Variants in HYDIN observed in about 807,000 individuals in gnomAD.
HYDIN encodes HYDIN axonemal central pair apparatus protein, also known as axonemal central pair apparatus protein HYDIN.
A neutral mutation model predicts 403.9 loss-of-function variants in HYDIN; 132 were observed. The observed-to-expected ratio is 0.33, with a 90% confidence interval of 0.28 to 0.38. The LOEUF (loss-of-function observed/expected upper bound fraction) is 0.38, where lower values mean the gene tolerates loss of function less well. Among genes scored for constraint, HYDIN ranks in the 10% least tolerant of loss-of-function variants. The probability of loss-of-function intolerance (pLI) is 1.00; values close to 1 mark genes in which losing one functional copy is unlikely to be tolerated. For missense variants in HYDIN, 2,827 were observed against 5,009.5 expected (o/e 0.56, Z 13.15); for synonymous variants, 1,202 against 1,891.7 (o/e 0.64, Z 9.46).
chr16:70,855,667 G>C (rs2038976155), intron 72 of HYDIN, among the ~76,000 whole-genome samples: 1 of 152,254 alleles, frequency 6.6e-6, no homozygotes, highest in Admixed American at 6.5e-5. Context: ...CGAATTCTTT[G>C]AAAATAGACC....
At chr16:70,985,101 C>T (rs2079149980) in intron 28 of HYDIN, 84 bp downstream of exon 28, 8 of 1,122,502 alleles carry the variant, frequency 7.1e-6, no homozygotes, top group African/African-American at 1.6e-5. Context: ...AAAAATCACA[C>T]TTGTAATCCT....
chr16:71,043,948 G>A (rs550176334), intron 18 of HYDIN, among the ~76,000 whole-genome samples: 6 of 152,004 alleles, frequency 3.9e-5, no homozygotes, highest in South Asian at 4.2e-4. Context: ...AAGAAAGAGA[G>A]AGAGAGAGAG....
Position 71,230,719 on chromosome 16 carries a change from C to T in HYDIN, c.-181G>A, listed in dbSNP as rs2041250716. ...CCCGAGCTGTTGCCGTCCGTTGCCA[C>T]GGTAACCACGGAGCCGCACAGCCTA... is the stretch of plus-strand genomic sequence containing the variant. On this transcript the variant is annotated 5_prime_UTR_variant, in exon 1 of 86. The change creates a new upstream start codon in the 5' untranslated region. Coordinates refer to ENST00000393567, the MANE Select transcript of HYDIN (RefSeq NM_001270974.2). 6.5e-7 allele frequency: 1 copy of T among 1,535,848 alleles called. No individual in the cohort carries two copies.
intron 66 of HYDIN, 72 bp downstream of exon 66, chr16:70,868,498 T>G (rs1442815688): frequency 6.7e-7 from 1 of 1,494,956 alleles, no homozygotes; most frequent in Non-Finnish European, 9.0e-7. Context: ...AAGGAAATGA[T>G]GAGGGACTTG....
At chr16:70,893,133 G>A (rs554206794) in intron 55 of HYDIN, among the ~76,000 whole-genome samples, 216 of 152,312 alleles carry the variant, frequency 1.4e-3, no homozygotes, top group African/African-American at 4.6e-3. Context: ...GGAGACCCTG[G>A]CTGCCCAATT....
rs1057100421 is a variant in HYDIN at position 70,805,154 on chromosome 16, A to G, written c.*2426T>C. On this transcript the variant is annotated 3_prime_UTR_variant, in exon 86 of 86. Coordinates refer to ENST00000393567, the MANE Select transcript of HYDIN (RefSeq NM_001270974.2). Reference sequence around the variant, plus strand: ...ATTTTGGGGAGGGTTAATTTCATCAACTAGGTCCTATGCAGATTTGGTAAG... The same window carrying G: ...ATTTTGGGGAGGGTTAATTTCATCAGCTAGGTCCTATGCAGATTTGGTAAG... Among the ~76,000 whole-genome samples the G allele has an allele frequency of 6.6e-6, 1 of 152,222 alleles. No homozygotes were observed. Among genetic ancestry groups the G allele is most frequent in the African/African-American group, 2.4e-5 (1 of 41,458 alleles).
At position 70,920,632 on chromosome 16, in the gene HYDIN, T is replaced by C. The variant is rs987344133; in HGVS notation, c.7744A>G (p.Lys2582Glu). The change falls in exon 46 of 86, where the codon AAG becomes GAG. Residue 2582 changes from lysine (K) to glutamate (E), a missense_variant. Lys to Glu is a moderately conservative substitution (Grantham distance 56). Coordinates refer to ENST00000393567, the MANE Select transcript of HYDIN (RefSeq NM_001270974.2). ...AGCTTGTCGCTCTCTAGGGCCTGCT[T>C]CCAGCTCAAGCCTTCAAAGTCTGGT... ...QTPDFEGLSW[K>E]QALESDKLPK... 1 of 1,613,992 alleles carries C rather than the reference T, an allele frequency of 6.2e-7. No homozygotes were observed. The highest frequency in any genetic ancestry group is 8.5e-7 in the Non-Finnish European group (1 of 1,179,964).
At chr16:70,994,045 A>C (rs1210581745) in intron 23 of HYDIN, among the ~76,000 whole-genome samples, 2 of 152,114 alleles carry the variant, frequency 1.3e-5, no homozygotes, top group East Asian at 3.9e-4. Flanking sequence ...AATGGAAAAA[A>C]ATCAATGTAA....
chr16:70,898,815 C>T (rs2076279741), intron 53 of HYDIN, among the ~76,000 whole-genome samples: 1 of 150,016 alleles, frequency 6.7e-6, no homozygotes. Context: ...GCGAACTTGG[C>T]TCATTGCAAC....
intron 42 of HYDIN, 79 bp downstream of exon 42, chr16:70,943,733 C>T (rs2077752893): frequency 6.5e-7 from 1 of 1,535,084 alleles, no homozygotes; most frequent in Non-Finnish European, 8.8e-7. Context: ...TGGCTGATGG[C>T]CCAGAACCTC....
In HYDIN at chr16:70,879,554, T is replaced by C. The variant is rs759798311; in HGVS notation, c.10367+51A>G. ...TGGGAATGACACTCCCTACAGAGTGTGGCCTGCAGTCCTGCTGCAGGAGAG... is the reference window on the plus strand; with the variant it reads ...TGGGAATGACACTCCCTACAGAGTGCGGCCTGCAGTCCTGCTGCAGGAGAG... On this transcript the variant is annotated intron_variant, in intron 61 of 85. Transcript: ENST00000393567. 4.4e-6 allele frequency: 7 copies of C among 1,607,624 alleles called. No homozygotes were observed. The East Asian group carries it at 1.6e-4, about 36-fold the overall frequency.
chr16:71,125,728 C>T (rs1264729218), intron 9 of HYDIN, among the ~76,000 whole-genome samples: 12 of 152,236 alleles, frequency 7.9e-5, no homozygotes, highest in African/African-American at 2.6e-4. Context: ...CAATGTCTCA[C>T]CTCACCATCA....
intron 11 of HYDIN, 64 bp downstream of exon 11, chr16:71,093,753 A>T (rs1228277987): frequency 1.3e-6 from 2 of 1,571,332 alleles, no homozygotes; most frequent in Non-Finnish European, 1.7e-6. Context: ...AAAACATATA[A>T]GATAAAACAA....
intron 28 of HYDIN, 35 bp downstream of exon 28, chr16:70,985,150 G>C (rs773269079): frequency 7.0e-5 from 112 of 1,607,332 alleles, no homozygotes; most frequent in Non-Finnish European, 9.2e-5. Flanking sequence ...GGGGCTCGTA[G>C]GTTTGAATTC....
At chr16:71,191,772 A>C (rs2087449859) in intron 1 of HYDIN, among the ~76,000 whole-genome samples, 1 of 152,080 alleles carries the variant, frequency 6.6e-6, no homozygotes, top group Non-Finnish European at 1.5e-5. Context: ...CCAGCTGCCT[A>C]CAAGATGCTT....
chr16:71,181,864 T>C (rs569989196), intron 3 of HYDIN, among the ~76,000 whole-genome samples: 22 of 151,852 alleles, frequency 1.4e-4, no homozygotes, highest in Non-Finnish European at 2.1e-4. Flanking sequence ...ACAAAAAATA[T>C]AGAAATACAG....
chr16:70,978,402 T>G (rs200282814), intron 30 of HYDIN, among the ~76,000 whole-genome samples: 1 of 149,776 alleles, frequency 6.7e-6, no homozygotes, highest in Non-Finnish European at 1.5e-5. Context: ...AGTTTCACCA[T>G]GTTGTCCAGG....
At chr16:71,227,892 G>T (rs1252158243) in intron 1 of HYDIN, among the ~76,000 whole-genome samples, 1 of 152,088 alleles carries the variant, frequency 6.6e-6, no homozygotes. Flanking sequence ...GAGGCATCAC[G>T]CTACCTGACT....
intron 18 of HYDIN, among the ~76,000 whole-genome samples, chr16:71,057,670 T>G (rs56242274): frequency 2.2e-4 from 32 of 144,770 alleles, no homozygotes; most frequent in East Asian, 4.1e-4. Flanking sequence ...TCCTACAAAA[T>G]GGGAGAAAAT....
Sources: gnomAD v4.1 joint callset for allele counts (sites outside exome capture counted in the v4.1 genomes callset) on GRCh38, gnomAD v4.1.1 for gene constraint, MANE v1.5 for transcripts, NCBI Gene and HGNC (gene_info 2026-07-23, HGNC 2026-07-21) for gene names.